The following SLC39A9 variants were observed in gnomAD, a reference collection of about 807,000 sequenced individuals.
SLC39A9 encodes the protein solute carrier family 39 member 9.
Under a neutral mutation model 28.4 loss-of-function variants are expected in SLC39A9, and 14 were observed. That is an observed-to-expected ratio of 0.49 (90% CI 0.33 to 0.77). SLC39A9 has a LOEUF of 0.77. Ranked by LOEUF, SLC39A9 falls within the 30% of genes least tolerant of loss-of-function variation. The pLI is 0.02. For synonymous variants in SLC39A9, 119 were observed against 149.6 expected, an observed-to-expected ratio of 0.80 and a Z score of 1.49; for missense variants, 283 against 381.1, an observed-to-expected ratio of 0.74 and a Z score of 2.14.
At chr14:69,423,410 T>C (rs1005283133) in intron 1 of SLC39A9, among the ~76,000 whole-genome samples, 5 of 152,214 alleles carry the variant, frequency 3.3e-5, no homozygotes, top group African/African-American at 4.8e-5. Context: ...CACAATTCTT[T>C]CTTAGGATGA....
chr14:69,429,119 A>G (rs1884351813), intron 2 of SLC39A9: 1 of 152,140 alleles, frequency 6.6e-6, no homozygotes, highest in Non-Finnish European at 1.5e-5. Flanking sequence ...ATTTTTCTTC[A>G]GTTAATAATG....
chr14:69,419,828 T>G (rs1018744554), intron 1 of SLC39A9, among the ~76,000 whole-genome samples: 2 of 152,218 alleles, frequency 1.3e-5, no homozygotes, highest in Non-Finnish European at 2.9e-5. Flanking sequence ...ACCCCTGCTT[T>G]TTTTTGCTTT....
chr14:69,450,138 A>T (rs1885534470), intron 3 of SLC39A9, among the ~76,000 whole-genome samples: 1 of 152,046 alleles, frequency 6.6e-6, no homozygotes, highest in African/African-American at 2.4e-5. Context: ...TCAGTGAGCC[A>T]AGATCACGCC....
upstream of SLC39A9, chr14:69,398,388 T>G: frequency 1.0e-6 from 1 of 1,003,634 alleles, no homozygotes; most frequent in Non-Finnish European, 1.5e-6. Flanking sequence ...AGAGGCACAG[T>G]CACTTCCGGC....
At chr14:69,447,987 G>A (rs1221651603) in intron 3 of SLC39A9, among the ~76,000 whole-genome samples, 2 of 151,122 alleles carry the variant, frequency 1.3e-5, no homozygotes. Context: ...GGCCGAGGCA[G>A]GTGGATCACA....
intron 3 of SLC39A9, among the ~76,000 whole-genome samples, chr14:69,444,023 G>A (rs868607157): frequency 6.7e-5 from 10 of 149,128 alleles, no homozygotes; most frequent in Non-Finnish European, 1.0e-4. Flanking sequence ...CCATCTCTAC[G>A]AAAAAAAAAT....
intron 3 of SLC39A9, among the ~76,000 whole-genome samples, chr14:69,446,966 AGC>A (rs1415927833): frequency 1.2e-4 from 16 of 137,562 alleles, no homozygotes; most frequent in East Asian, 6.9e-4. Flanking sequence ...AGAGAGAGAG[AGC>A]GAGAGAGAGA....
At chr14:69,444,853 C>T (rs900974415) in intron 3 of SLC39A9, among the ~76,000 whole-genome samples, 1 of 151,962 alleles carries the variant, frequency 6.6e-6, no homozygotes, top group African/African-American at 2.4e-5. Context: ...CCTTTAATCC[C>T]AGCATTTTGA....
In SLC39A9 at chr14:69,458,570, C is replaced by G; in HGVS notation, c.901C>G (p.Leu301Val). 1.2e-6 allele frequency: 2 copies of G among 1,613,518 alleles called. No homozygotes were observed. The highest frequency in any genetic ancestry group is 1.7e-6 in the Non-Finnish European group (2 of 1,179,618). Reference protein sequence around the residue: ...LVLGCLIPLILSVGHQH With the variant: ...LVLGCLIPLIVSVGHQH The stretch of plus-strand genomic sequence containing the variant: ...TCTGGGTTGCCTCATCCCTCTCATC[C>G]TGTCAGTAGGACACCAGCATTAAAT... Residue 301 changes from leucine to valine, a missense_variant, in exon 7 of 7, where the codon CTG becomes GTG. Leu to Val is a conservative substitution (Grantham distance 32). Transcript: ENST00000336643.
intron 1 of SLC39A9, 147 bp downstream of exon 1, chr14:69,399,612 T>C (rs1248764367): frequency 4.8e-6 from 3 of 629,932 alleles, no homozygotes; most frequent in Non-Finnish European, 8.3e-6. Flanking sequence ...ACATGACACT[T>C]AATAATAGAA....
At chr14:69,398,530 C>A, upstream of SLC39A9, 1 of 536,778 alleles carries the variant, frequency 1.9e-6, no homozygotes, top group East Asian at 3.3e-5. Flanking sequence ...ATTAAACATA[C>A]GGCTCAAGTG....
chr14:69,447,201 A>G (rs984905722), intron 3 of SLC39A9, among the ~76,000 whole-genome samples: 9 of 152,190 alleles, frequency 5.9e-5, no homozygotes, highest in African/African-American at 2.2e-4. Flanking sequence ...CGGATAGTCA[A>G]AATTAAGGTC....
intron 2 of SLC39A9, among the ~76,000 whole-genome samples, chr14:69,425,661 GT>G (rs1016667660): frequency 1.6e-4 from 24 of 145,618 alleles, no homozygotes; most frequent in African/African-American, 2.0e-4. Flanking sequence ...GGGGTTTTGG[GT>G]TTTTTTTTTT....
intron 3 of SLC39A9, among the ~76,000 whole-genome samples, chr14:69,449,624 C>G (rs2139443025): frequency 6.6e-6 from 1 of 151,950 alleles, no homozygotes; most frequent in South Asian, 2.1e-4. Flanking sequence ...GACCCTGTGT[C>G]TTAAAAAAAG....
chr14:69,455,972 GAT>G, intron 6 of SLC39A9, 106 bp downstream of exon 6: 1 of 1,346,316 alleles, frequency 7.4e-7, no homozygotes, highest in Non-Finnish European at 1.0e-6. Context: ...TCAAACTAAA[GAT>G]AAAATTAGGA....
chr14:69,450,805 T>C (rs905772545), intron 3 of SLC39A9, among the ~76,000 whole-genome samples: 6 of 152,146 alleles, frequency 3.9e-5, no homozygotes, highest in Admixed American at 6.6e-5. Context: ...GTGGGCGCAG[T>C]AGTAGCCAGT....
chr14:69,440,911 C>A (rs189715938), intron 2 of SLC39A9, among the ~76,000 whole-genome samples: 3 of 152,152 alleles, frequency 2.0e-5, no homozygotes, highest in Non-Finnish European at 4.4e-5. Context: ...GATCTGCCCC[C>A]CTTGGCCTCC....
intron 2 of SLC39A9, among the ~76,000 whole-genome samples, chr14:69,436,039 A>G (rs1324676100): frequency 6.6e-6 from 1 of 152,132 alleles, no homozygotes; most frequent in Non-Finnish European, 1.5e-5. Context: ...TTTCAGTTCT[A>G]AAATTTCCAG....
At chr14:69,426,065 A>G (rs1369408758) in intron 2 of SLC39A9, among the ~76,000 whole-genome samples, 1 of 152,200 alleles carries the variant, frequency 6.6e-6, no homozygotes, top group Non-Finnish European at 1.5e-5. Flanking sequence ...CACCACAACA[A>G]TCATAAACAC....
Sources: gnomAD v4.1 joint callset for allele counts (sites outside exome capture counted in the v4.1 genomes callset) on GRCh38, gnomAD v4.1.1 for gene constraint, MANE v1.5 for transcripts, NCBI Gene and HGNC (gene_info 2026-07-23, HGNC 2026-07-21) for gene names.